DAB2IP: variants seen among roughly 807,000 people sequenced by gnomAD.
DAB2IP encodes the protein DAB2 interacting protein.
In DAB2IP, 28 loss-of-function variants were observed where a neutral mutation model predicts 107.2. The ratio of observed to expected loss-of-function variants is 0.26; its 90% CI spans 0.19 to 0.36. DAB2IP has a LOEUF of 0.36. Ranked by LOEUF, DAB2IP falls within the 10% of genes least tolerant of loss-of-function variation. The pLI is 1.00. For synonymous variants in DAB2IP, 755 were observed against 706.4 expected, an observed-to-expected ratio of 1.07 and a Z score of -1.09; for missense variants, 1,400 against 1,644.7, an observed-to-expected ratio of 0.85 and a Z score of 2.57.
chr9:121,640,862 T>C lies in DAB2IP; in HGVS notation c.41-37816T>C, dbSNP rs926556287. ...AGTTCCCAGTTGTGGGAAGGCAGCT[T>C]CACTTTCATACTTTCTCAGGGCAAT... On this transcript the variant is annotated intron_variant, in intron 1 of 16. Transcript: ENST00000259371. Among the ~76,000 whole-genome samples the C allele has an allele frequency of 7.9e-5, 12 of 152,160 alleles. 1 individual carries two copies. Among genetic ancestry groups the C allele is most frequent in the Admixed American group, 2.6e-4 (4 of 15,284 alleles).
In DAB2IP at chr9:121,702,381, G is replaced by A. The variant is rs916903591; in HGVS notation, c.362+2923G>A. 6.6e-6 allele frequency among the ~76,000 whole-genome samples: 1 copy of A among 152,118 alleles called. No homozygotes were observed. Among genetic ancestry groups the A allele is most frequent in the Non-Finnish European group, 1.5e-5 (1 of 68,032 alleles). ...CTGGGGTCAGGCCAGGCAGTGCTTGGTTGGCACAGCTGGGCTCTGGGGGCT... is the reference window on the plus strand; with the variant it reads ...CTGGGGTCAGGCCAGGCAGTGCTTGATTGGCACAGCTGGGCTCTGGGGGCT... On this transcript the variant is annotated intron_variant, in intron 3 of 15. Transcript: ENST00000408936. This position sits in a 1 kb window ranked among gnomAD's most constrained non-coding sequence, Gnocchi z 4.5.
At chr9:121,679,878 G>A (rs989807021) in intron 2 of DAB2IP, among the ~76,000 whole-genome samples, 2 of 152,054 alleles carry the variant, frequency 1.3e-5, no homozygotes, top group Non-Finnish European at 2.9e-5. Context: ...AGGGACTTCC[G>A]GGGAGGGAGA....
intron 1 of DAB2IP, among the ~76,000 whole-genome samples, chr9:121,582,023 C>A (rs1830204422): frequency 6.6e-6 from 1 of 152,204 alleles, no homozygotes; most frequent in Admixed American, 6.5e-5. Flanking sequence ...AGGACCTCCC[C>A]CTCCTTCACC....
At chr9:121,659,704 G>A (rs1833120731) in intron 1 of DAB2IP, among the ~76,000 whole-genome samples, 1 of 152,160 alleles carries the variant, frequency 6.6e-6, no homozygotes, top group Non-Finnish European at 1.5e-5. Context: ...TGAGGCAGGA[G>A]AATGGCATGA....
Position 121,772,484 on chromosome 9 carries a change from A to T in DAB2IP, c.2079-123A>T. 9.4e-7 allele frequency: 1 copy of T among 1,059,378 alleles called. No homozygotes were observed. The highest frequency in any genetic ancestry group is 1.4e-6 in the Non-Finnish European group (1 of 720,512). 65.6% of individuals were successfully genotyped at this position (1,059,378 alleles called of 1,614,324 possible). Reference sequence around the variant, plus strand: ...GCCACCCCAGCGCATCCATCTCCCCAGCGCTGGCTCAGGCTGCCAGGCCCC... The same window carrying T: ...GCCACCCCAGCGCATCCATCTCCCCTGCGCTGGCTCAGGCTGCCAGGCCCC... On this transcript the variant is annotated intron_variant, in intron 11 of 15. Coordinates refer to ENST00000408936, the Ensembl canonical transcript of DAB2IP. The surrounding 1 kb of genome is among the most constrained non-coding windows in gnomAD (Gnocchi z 4.7).
At chr9:121,624,956 A>G (rs745907830) in intron 1 of DAB2IP, among the ~76,000 whole-genome samples, 5 of 152,152 alleles carry the variant, frequency 3.3e-5, no homozygotes, top group Non-Finnish European at 7.3e-5. Flanking sequence ...GCTGCTATAA[A>G]CAGGCCTTCC....
At chr9:121,729,358 C>T (rs997949937) in intron 3 of DAB2IP, among the ~76,000 whole-genome samples, 6 of 152,138 alleles carry the variant, frequency 3.9e-5, no homozygotes, top group East Asian at 1.9e-4. Flanking sequence ...CCCATTTTAC[C>T]GAAGAGGAAG....
At position 121,635,249 on chromosome 9, in the gene DAB2IP, A is replaced by C. The variant is rs973264571; in HGVS notation, c.41-43429A>C. Among the ~76,000 whole-genome samples the C allele has an allele frequency of 6.6e-6, 1 of 152,104 alleles. No homozygotes were observed. Among genetic ancestry groups the C allele is most frequent in the African/African-American group, 2.4e-5 (1 of 41,408 alleles). ...GGACAGCACTAATTCAATGCCTAAAAATAACCTCGGACCTGGTAGGGCACT... is the reference window on the plus strand; with the variant it reads ...GGACAGCACTAATTCAATGCCTAAACATAACCTCGGACCTGGTAGGGCACT... On this transcript the variant is annotated intron_variant, in intron 1 of 16. Coordinates refer to the DAB2IP transcript ENST00000259371. This position sits in a 1 kb window ranked among gnomAD's most constrained non-coding sequence, Gnocchi z 4.3.
chr9:121,739,762 G>T (rs1832195448), intron 3 of DAB2IP, among the ~76,000 whole-genome samples: 1 of 152,196 alleles, frequency 6.6e-6, no homozygotes, highest in Admixed American at 6.5e-5. Flanking sequence ...GAGGAGGATA[G>T]GGCTGGGGAT....
intron 2 of DAB2IP, among the ~76,000 whole-genome samples, chr9:121,694,496 G>T (rs1328035198): frequency 6.6e-6 from 1 of 152,138 alleles, no homozygotes; most frequent in Admixed American, 6.5e-5. Flanking sequence ...AGTGAATGAA[G>T]AAATCACGTG....
At position 121,699,576 on chromosome 9, in the gene DAB2IP, C is replaced by T. The variant is rs1829654530; in HGVS notation, c.362+118C>T. The T allele has an allele frequency of 8.5e-6, 8 of 942,388 alleles. No homozygotes were observed. The South Asian group carries it at 4.0e-4, about 47-fold the overall frequency. The allele number at this position is 942,388 out of a possible 1,614,324, so 58.4% of individuals were successfully genotyped here. On this transcript the variant is annotated intron_variant, in intron 3 of 15. Coordinates refer to ENST00000408936, the Ensembl canonical transcript of DAB2IP. The surrounding 1 kb of genome is among the most constrained non-coding windows in gnomAD (Gnocchi z 6.2). ...GAGCCACACGGCGGTGGGGGGACCC[C>T]ACGCCGCCCGCCGGGAACTTATGGG...
intron 2 of DAB2IP, among the ~76,000 whole-genome samples, chr9:121,681,243 C>T (rs72770690): frequency 0.034 from 5,121 of 152,266 alleles, 140 homozygotes; most frequent in South Asian, 0.087. Flanking sequence ...GGCTAGGAGG[C>T]GGATCCATTG....
chr9:121,639,587 G>A (rs971239036), intron 1 of DAB2IP, among the ~76,000 whole-genome samples: 3 of 152,118 alleles, frequency 2.0e-5, no homozygotes, highest in African/African-American at 7.2e-5. Flanking sequence ...AGCCTGCGGA[G>A]GGAGGTGGAA....
rs1830446124 is a variant in DAB2IP at position 121,592,931 on chromosome 9, T to C, written c.40+25703T>C. The stretch of plus-strand genomic sequence containing the variant: ...GGCAGACAGAGAGGAGGGTCTTTAG[T>C]TCTACAGTGTTGTACAGCGCCTCAC... On this transcript the variant is annotated intron_variant, in intron 1 of 16. Transcript: ENST00000259371. Among the ~76,000 whole-genome samples the C allele has an allele frequency of 1.3e-5, 2 of 152,066 alleles. 1 individual carries two copies. The highest frequency in any genetic ancestry group is 1.3e-4 in the Admixed American group (2 of 15,264).
intron 1 of DAB2IP, among the ~76,000 whole-genome samples, chr9:121,578,638 C>T (rs1204348734): frequency 6.6e-6 from 1 of 151,686 alleles, no homozygotes; most frequent in Non-Finnish European, 1.5e-5. Flanking sequence ...CATCGACCTC[C>T]CTTGCTGGCC....
intron 13 of DAB2IP, among the ~76,000 whole-genome samples, chr9:121,775,962 C>G (rs1375020914): frequency 6.6e-6 from 1 of 152,228 alleles, no homozygotes; most frequent in African/African-American, 2.4e-5. Flanking sequence ...TGTAGCCATA[C>G]AGGTCAGGCT....
intron 1 of DAB2IP, among the ~76,000 whole-genome samples, chr9:121,587,444 C>T (rs949918951): frequency 6.6e-6 from 1 of 151,912 alleles, no homozygotes; most frequent in African/African-American, 2.4e-5. Context: ...CCTGACTCTA[C>T]TGAAGAGACA....
At chr9:121,711,135 G>C (rs1830318299) in intron 3 of DAB2IP, among the ~76,000 whole-genome samples, 1 of 152,214 alleles carries the variant, frequency 6.6e-6, no homozygotes, top group South Asian at 2.1e-4. Context: ...GAAAGGCCTT[G>C]TTGTCTTTCG....
chr9:121,617,704 G>C (rs995773981), intron 1 of DAB2IP, among the ~76,000 whole-genome samples: 2 of 152,220 alleles, frequency 1.3e-5, no homozygotes, highest in African/African-American at 4.8e-5. Flanking sequence ...CTATTTTACA[G>C]ATGAGGAAAT....
Sources: allele counts gnomAD v4.1 joint callset (sites outside exome capture counted in the v4.1 genomes callset), GRCh38; gene constraint gnomAD v4.1.1; non-coding constraint Gnocchi (gnomAD v3.1); transcripts MANE v1.5; gene names NCBI Gene and HGNC (gene_info 2026-07-23, HGNC 2026-07-21).